The following MIB1 variants were observed in gnomAD, a reference collection of about 807,000 sequenced individuals.
The protein encoded by MIB1 is E3 ubiquitin-protein ligase MIB1.
MIB1 carries 278 observed loss-of-function variants against 124.5 expected under a neutral mutation model. The observed-to-expected ratio is 2.23, with a 90% CI of 2.02 to 2.47. The LOEUF is 2.47. Ranked by LOEUF, MIB1 falls within the 30% of genes most tolerant of loss-of-function variation. The pLI is 0.00. For missense variants in MIB1, 957 were observed against 1,254.4 expected (o/e 0.76, Z 3.58); for synonymous variants, 446 against 429.4 (o/e 1.04, Z -0.48).
chr18:21,843,260 C>A, intron 14 of MIB1, 43 bp downstream of exon 14: 1 of 1,385,770 alleles, frequency 7.2e-7, no homozygotes, highest in Non-Finnish European at 9.8e-7. Flanking sequence ...TACATTTTAA[C>A]CATACAGATT....
chr18:21,725,786 G>A (rs201279942), intron 1 of MIB1, among the ~76,000 whole-genome samples: 1 of 59,766 alleles, frequency 1.7e-5, no homozygotes, highest in East Asian at 5.6e-4. Flanking sequence ...AGGGAGAGAG[G>A]GAAGGAAGGA....
chr18:21,707,516 T>C (rs1253247026), intron 1 of MIB1, among the ~76,000 whole-genome samples: 1 of 152,204 alleles, frequency 6.6e-6, no homozygotes, highest in Non-Finnish European at 1.5e-5. Flanking sequence ...GCTCATTCTT[T>C]GGGTCCACGC....
chr18:21,720,719 G>T (rs1437016074), intron 1 of MIB1, among the ~76,000 whole-genome samples: 1 of 152,138 alleles, frequency 6.6e-6, no homozygotes, highest in Non-Finnish European at 1.5e-5. Flanking sequence ...GAGGCTGAGA[G>T]GGGTAAATTG....
At chr18:21,721,163 T>TG (rs1568175865) in intron 1 of MIB1, among the ~76,000 whole-genome samples, 7 of 73,652 alleles carry the variant, frequency 9.5e-5, no homozygotes, top group African/African-American at 6.2e-4. Context: ...AAAGAAGTTT[T>TG]TTTTTTTTTT....
chr18:21,838,560 C>A, intron 13 of MIB1, 63 bp downstream of exon 13: 3 of 1,339,670 alleles, frequency 2.2e-6, no homozygotes, highest in South Asian at 1.6e-5. Context: ...GGGACCATTG[C>A]CATTCATTTA....
chr18:21,803,008 G>A (rs1467838625), intron 9 of MIB1, among the ~76,000 whole-genome samples: 1 of 152,140 alleles, frequency 6.6e-6, no homozygotes, highest in Non-Finnish European at 1.5e-5. Context: ...TACCTATGAT[G>A]TGCTTGTGTT....
chr18:21,832,419 T>A (rs2041992572), intron 12 of MIB1, among the ~76,000 whole-genome samples: 1 of 152,200 alleles, frequency 6.6e-6, no homozygotes, highest in South Asian at 2.1e-4. Flanking sequence ...GTAAAAATAC[T>A]TTTGTTTTAA....
intron 14 of MIB1, 151 bp from the exon 15 acceptor site, chr18:21,843,941 G>A (rs1312370939): frequency 3.1e-6 from 2 of 638,194 alleles, no homozygotes; most frequent in African/African-American, 3.6e-5. Context: ...CCACAGGGTT[G>A]GAGAAGAGTA....
intron 1 of MIB1, among the ~76,000 whole-genome samples, chr18:21,763,595 T>G (rs1303703883): frequency 6.6e-6 from 1 of 152,174 alleles, no homozygotes; most frequent in African/African-American, 2.4e-5. Flanking sequence ...GGTGACTCCC[T>G]TCTTGTTTTT....
chr18:21,749,490 T>C (rs1285381570), intron 1 of MIB1, among the ~76,000 whole-genome samples: 4 of 152,198 alleles, frequency 2.6e-5, no homozygotes, highest in African/African-American at 9.6e-5. Flanking sequence ...AGCTTTTAAA[T>C]TAATTTGTTA....
chr18:21,773,711 G>C lies in MIB1; in HGVS notation c.619G>C (p.Val207Leu), dbSNP rs922859305. Reference sequence around the variant, plus strand: ...TAATGGTGCTAAGAACCTTTACAGAGTTGGCTTTGAGGGCATGGTAAGTAG... The same window carrying C: ...TAATGGTGCTAAGAACCTTTACAGACTTGGCTTTGAGGGCATGGTAAGTAG... ...WDNGAKNLYR[V>L]GFEGMSDLKC... The change falls in exon 4 of 21, where the codon GTT (valine) becomes CTT (leucine). Residue 207 changes from valine to leucine, a missense_variant. Transcript: ENST00000261537. The C allele has an allele frequency of 3.1e-6, 5 of 1,601,026 alleles. No homozygotes were observed. Among genetic ancestry groups the C allele is most frequent in the Non-Finnish European group, 4.3e-6 (5 of 1,175,052 alleles).
At chr18:21,744,097 G>GTTTTT (rs768951212) in intron 1 of MIB1, among the ~76,000 whole-genome samples, 1 of 121,240 alleles carries the variant, frequency 8.2e-6, no homozygotes, top group Non-Finnish European at 1.7e-5. Context: ...ATTCTTCAGG[G>GTTTTT]TTTTTTTTTT....
rs2042320657 is a variant in MIB1, at chr18:21,866,277, G to A, written c.*1611G>A. On this transcript the variant is annotated 3_prime_UTR_variant, in exon 21 of 21. Coordinates refer to ENST00000261537, the MANE Select transcript of MIB1 (RefSeq NM_020774.4). ...ATGGGGAGCTTTGCTGGCTGGTTTT[G>A]TAGTCTCAACAATTCCATGTCTGTG... 6.6e-6 allele frequency: 1 copy of A among 152,174 alleles called. No individual in the cohort carries two copies. The allele number at this position is 152,174 out of a possible 1,614,324, so 9.4% of individuals were successfully genotyped here. A position where few individuals can be genotyped will look rare whatever the true frequency, so the allele number is the denominator to read the frequency against.
In MIB1 at chr18:21,863,937, C is replaced by T. The variant is rs564221506; in HGVS notation, c.2881-589C>T. ...AGTAGAATCACTTGAATCCAGGAGGCGGAGGTTGCAGTGAGCCGAGATTGC... is the reference window on the plus strand; with the variant it reads ...AGTAGAATCACTTGAATCCAGGAGGTGGAGGTTGCAGTGAGCCGAGATTGC... On this transcript the variant is annotated intron_variant, in intron 20 of 20. Transcript: ENST00000261537. 2.2e-4 allele frequency among the ~76,000 whole-genome samples: 34 copies of T among 152,024 alleles called. 1 individual carries two copies. Among genetic ancestry groups the T allele is most frequent in the South Asian group, 1.5e-3 (7 of 4,802 alleles).
At chr18:21,782,422 G>T (rs1001822712) in intron 6 of MIB1, among the ~76,000 whole-genome samples, 1 of 152,032 alleles carries the variant, frequency 6.6e-6, no homozygotes, top group Non-Finnish European at 1.5e-5. Flanking sequence ...TGCATCTGGC[G>T]TTAAATTATT....
intron 12 of MIB1, among the ~76,000 whole-genome samples, chr18:21,820,307 T>A (rs2041867321): frequency 6.6e-6 from 1 of 152,230 alleles, no homozygotes; most frequent in African/African-American, 2.4e-5. Context: ...CTGCATTGGA[T>A]GTCTTCTGTT....
chr18:21,855,898 T>G (rs2042221528), intron 18 of MIB1, among the ~76,000 whole-genome samples: 2 of 152,250 alleles, frequency 1.3e-5, no homozygotes, highest in African/African-American at 4.8e-5. Context: ...TGTGTTATTT[T>G]ATAATTAATT....
chr18:21,742,640 C>T (rs968871036), intron 1 of MIB1, among the ~76,000 whole-genome samples: 2 of 152,118 alleles, frequency 1.3e-5, no homozygotes, highest in East Asian at 3.9e-4. Flanking sequence ...AATGATTAAA[C>T]CAAAGGCTTG....
intron 1 of MIB1, among the ~76,000 whole-genome samples, chr18:21,742,264 T>A (rs2040862482): frequency 6.6e-6 from 1 of 150,738 alleles, no homozygotes; most frequent in Admixed American, 6.6e-5. Context: ...TACCTCGGAT[T>A]TGTGGAGATG....
Sources: gnomAD v4.1 joint callset for allele counts (sites outside exome capture counted in the v4.1 genomes callset) on GRCh38, gnomAD v4.1.1 for gene constraint, MANE v1.5 for transcripts, NCBI Gene and HGNC (gene_info 2026-07-23, HGNC 2026-07-21) for gene names.